CAMTA1: variants seen among roughly 807,000 people sequenced by gnomAD.
The protein encoded by CAMTA1 is calmodulin-binding transcription activator 1.
In CAMTA1, 27 loss-of-function variants were observed where a neutral mutation model predicts 170.9. The ratio of observed to expected loss-of-function variants is 0.16; its 90% CI spans 0.12 to 0.22. CAMTA1 has a LOEUF of 0.22. Among genes scored for constraint, CAMTA1 ranks in the 10% least tolerant of loss-of-function variants. The pLI, the probability that CAMTA1 is intolerant of heterozygous loss-of-function variation, is 1.00. For missense variants in CAMTA1, 1,619 were observed against 2,217.2 expected (o/e 0.73, Z 5.42); for synonymous variants, 833 against 891.5 (o/e 0.93, Z 1.17).
chr1:7,337,776 T>C (rs2149790435), intron 5 of CAMTA1, among the ~76,000 whole-genome samples: 1 of 152,182 alleles, frequency 6.6e-6, no homozygotes, highest in Admixed American at 6.5e-5. Context: ...GAAAAAGGAG[T>C]TCTGCCTCCA....
chr1:7,430,722 C>T (rs903392396), intron 5 of CAMTA1, among the ~76,000 whole-genome samples: 2 of 152,218 alleles, frequency 1.3e-5, no homozygotes, highest in African/African-American at 2.4e-5. Flanking sequence ...TCATTCTCTG[C>T]ATGTTCACCC....
At chr1:7,433,585 A>T (rs1254565255) in intron 5 of CAMTA1, among the ~76,000 whole-genome samples, 1 of 152,220 alleles carries the variant, frequency 6.6e-6, no homozygotes, top group African/African-American at 2.4e-5. Context: ...GAGCCAATTG[A>T]TGTACGTGAG....
chr1:6,982,264 A>G (rs1572202741), intron 3 of CAMTA1, among the ~76,000 whole-genome samples: 1 of 152,116 alleles, frequency 6.6e-6, no homozygotes, highest in Non-Finnish European at 1.5e-5. Context: ...GAGATCCCCT[A>G]GGAGTCATCC....
intron 3 of CAMTA1, among the ~76,000 whole-genome samples, chr1:7,061,449 G>A (rs757594104): frequency 1.2e-4 from 18 of 152,198 alleles, no homozygotes; most frequent in Non-Finnish European, 1.9e-4. Context: ...TCTGAGTAGC[G>A]GCGTCTGTGC....
chr1:7,004,396 G>A (rs1698677256), intron 3 of CAMTA1, among the ~76,000 whole-genome samples: 1 of 152,204 alleles, frequency 6.6e-6, no homozygotes, highest in Admixed American at 6.5e-5. Context: ...CTCTGGGTTG[G>A]CTTCTGGAAG....
chr1:6,861,104 T>TG (rs1664517449), intron 3 of CAMTA1, among the ~76,000 whole-genome samples: 1 of 151,504 alleles, frequency 6.6e-6, no homozygotes, highest in African/African-American at 2.4e-5. Context: ...AGCAGGCACA[T>TG]GCCACCACGC....
At chr1:7,203,490 T>C (rs1022368154) in intron 4 of CAMTA1, among the ~76,000 whole-genome samples, 1 of 16,196 alleles carries the variant, frequency 6.2e-5, no homozygotes, top group Non-Finnish European at 1.0e-4. Context: ...TTGTGGGTAG[T>C]TTTTTTTTTT....
At chr1:7,599,848 A>G (rs1413201565) in intron 6 of CAMTA1, among the ~76,000 whole-genome samples, 1 of 152,174 alleles carries the variant, frequency 6.6e-6, no homozygotes, top group Non-Finnish European at 1.5e-5. Flanking sequence ...GGGCTGAGAC[A>G]ATGGGGTTTT....
At position 7,633,489 on chromosome 1, in the gene CAMTA1, C is replaced by T. The variant is rs1365338574; in HGVS notation, c.511-6911C>T. 6.6e-6 allele frequency among the ~76,000 whole-genome samples: 1 copy of T among 152,210 alleles called. No individual in the cohort carries two copies. Among genetic ancestry groups the T allele is most frequent in the East Asian group, 1.9e-4 (1 of 5,186 alleles). ...CCCATGCCTGGGATGGACACCGACT[C>T]CTTCCCCGCACCCTAGTCTCTGTCT... On this transcript the variant is annotated intron_variant, in intron 6 of 22. Transcript: ENST00000303635. This position sits in a 1 kb window ranked among gnomAD's most constrained non-coding sequence, Gnocchi z 4.1.
chr1:7,235,321 C>G (rs941413950), intron 4 of CAMTA1, among the ~76,000 whole-genome samples: 1 of 152,146 alleles, frequency 6.6e-6, no homozygotes. Context: ...CATTGGCTAT[C>G]CTTGCTTTTA....
intron 5 of CAMTA1, among the ~76,000 whole-genome samples, chr1:7,416,557 C>T (rs974377061): frequency 6.6e-6 from 1 of 152,154 alleles, no homozygotes; most frequent in African/African-American, 2.4e-5. Context: ...TGCATTGGCT[C>T]CTGAGGCTTT....
chr1:7,726,594 G>A (rs2096688517), intron 11 of CAMTA1, among the ~76,000 whole-genome samples: 1 of 152,122 alleles, frequency 6.6e-6, no homozygotes, highest in African/African-American at 2.4e-5. Context: ...CTGTCTCTGG[G>A]TTATGCGTCT....
chr1:6,897,718 G>C (rs968403092), intron 3 of CAMTA1, among the ~76,000 whole-genome samples: 3 of 152,176 alleles, frequency 2.0e-5, no homozygotes, highest in African/African-American at 7.2e-5. Context: ...TTATTTGTTT[G>C]AAAATGAAAC....
intron 6 of CAMTA1, among the ~76,000 whole-genome samples, chr1:7,493,532 A>T (rs1328569880): frequency 6.6e-6 from 1 of 152,228 alleles, no homozygotes; most frequent in Non-Finnish European, 1.5e-5. Flanking sequence ...GGCACACATA[A>T]GAAAGTGCCA....
At position 7,736,375 on chromosome 1, in the gene CAMTA1, G is replaced by T. The variant is rs1359392898; in HGVS notation, c.3098G>T (p.Cys1033Phe). Reference protein sequence around the residue: ...CASGTGALGSCFESRVVVVCE... With the variant: ...CASGTGALGSFFESRVVVVCE... Reference sequence around the variant, plus strand: ...TCTGGGACTGGGGCCTTGGGGAGCTGCTTTGAGAGCCGTGTGGTCGTGGTA... The same window carrying T: ...TCTGGGACTGGGGCCTTGGGGAGCTTCTTTGAGAGCCGTGTGGTCGTGGTA... The change falls in exon 13 of 23, where the codon TGC becomes TTC. Residue 1033 changes from cysteine to phenylalanine, a missense_variant. Transcript: ENST00000303635. This position sits in a 1 kb window ranked among gnomAD's most constrained non-coding sequence, Gnocchi z 4.5. The T allele has an allele frequency of 6.2e-7, 1 of 1,614,166 alleles. No individual in the cohort carries two copies. The highest frequency in any genetic ancestry group is 8.5e-7 in the Non-Finnish European group (1 of 1,180,014).
At chr1:7,632,868 C>G (rs1254746415) in intron 6 of CAMTA1, among the ~76,000 whole-genome samples, 1 of 152,262 alleles carries the variant, frequency 6.6e-6, no homozygotes, top group Non-Finnish European at 1.5e-5. Flanking sequence ...GGCGTGGGCT[C>G]AGCATGCGGG....
At chr1:7,203,704 C>A (rs753281179) in intron 4 of CAMTA1, among the ~76,000 whole-genome samples, 1 of 151,164 alleles carries the variant, frequency 6.6e-6, no homozygotes, top group Non-Finnish European at 1.5e-5. Flanking sequence ...TAATACTGTC[C>A]CTGTTCTCAT....
At chr1:7,241,095 G>A (rs1332793308) in intron 4 of CAMTA1, among the ~76,000 whole-genome samples, 5 of 152,074 alleles carry the variant, frequency 3.3e-5, no homozygotes, top group Non-Finnish European at 7.4e-5. Flanking sequence ...GTTTAGCAAG[G>A]GTCACAGGAT....
intron 3 of CAMTA1, among the ~76,000 whole-genome samples, chr1:7,008,908 T>G (rs1447916099): frequency 6.6e-6 from 1 of 152,256 alleles, no homozygotes; most frequent in Non-Finnish European, 1.5e-5. Context: ...AATGTTTTAG[T>G]GTTAGAGAAG....
Sources: allele counts gnomAD v4.1 joint callset (sites outside exome capture counted in the v4.1 genomes callset), GRCh38; gene constraint gnomAD v4.1.1; non-coding constraint Gnocchi (gnomAD v3.1); transcripts MANE v1.5; gene names NCBI Gene and HGNC (gene_info 2026-07-23, HGNC 2026-07-21).